The following CAMK4 variants were observed in gnomAD, a reference collection of about 807,000 sequenced individuals.
CAMK4 encodes calcium/calmodulin dependent protein kinase IV.
Under a neutral mutation model 44.9 loss-of-function variants are expected in CAMK4, and 22 were observed. The observed-to-expected ratio is 0.49, with a 90% confidence interval of 0.35 to 0.70. The LOEUF (loss-of-function observed/expected upper bound fraction) is 0.70. Among genes scored for constraint, CAMK4 ranks in the 30% least tolerant of loss-of-function variants. CAMK4 has a pLI of 0.01. For missense variants in CAMK4, 498 were observed against 586.8 expected, an observed-to-expected ratio of 0.85 and a Z score of 1.56; for synonymous variants, 218 against 215.4, an observed-to-expected ratio of 1.01 and a Z score of -0.11.
chr5:111,424,268 T>C (rs1046130969), intron 5 of CAMK4, among the ~76,000 whole-genome samples: 5 of 152,166 alleles, frequency 3.3e-5, no homozygotes, highest in Non-Finnish European at 7.4e-5. Flanking sequence ...ACAGGTGCAT[T>C]GCACCAGGTG....
intron 5 of CAMK4, among the ~76,000 whole-genome samples, chr5:111,421,667 G>A (rs1291498619): frequency 6.6e-6 from 1 of 152,014 alleles, no homozygotes; most frequent in African/African-American, 2.4e-5. Flanking sequence ...TTGTTTGTTT[G>A]TTTCCAGAAG....
At chr5:111,295,607 A>G (rs1747450220) in intron 1 of CAMK4, among the ~76,000 whole-genome samples, 1 of 152,200 alleles carries the variant, frequency 6.6e-6, no homozygotes, top group Non-Finnish European at 1.5e-5. Context: ...AAAAGCTATA[A>G]TGGAATTATG....
chr5:111,294,376 G>T (rs1278171746), intron 1 of CAMK4, among the ~76,000 whole-genome samples: 1 of 152,068 alleles, frequency 6.6e-6, no homozygotes, highest in African/African-American at 2.4e-5. Flanking sequence ...TAATTACTTT[G>T]CACATACACA....
chr5:111,378,647 A>G (rs1751304498), intron 4 of CAMK4, among the ~76,000 whole-genome samples: 1 of 152,130 alleles, frequency 6.6e-6, no homozygotes, highest in Non-Finnish European at 1.5e-5. Context: ...CATTTTGACT[A>G]TTTTCACATT....
rs565708486 is a variant in CAMK4, at chr5:111,488,155, T to A, written c.*3689T>A. 27 of 152,338 alleles carry A rather than the reference T, an allele frequency of 1.8e-4. No individual in the cohort carries two copies. Among genetic ancestry groups the A allele is most frequent in the African/African-American group, 6.3e-4 (26 of 41,568 alleles). 9.4% of individuals were successfully genotyped at this position (152,338 alleles called of 1,614,324 possible). A position where few individuals can be genotyped will look rare whatever the true frequency, so the allele number is the denominator to read the frequency against. ...ATAGAATCTGATTTTGAGGCCTGGATTAAGCTTCATGCCATCCTTGTATCA... is the reference window on the plus strand; with the variant it reads ...ATAGAATCTGATTTTGAGGCCTGGAATAAGCTTCATGCCATCCTTGTATCA... On this transcript the variant is annotated 3_prime_UTR_variant, in exon 11 of 11. Coordinates refer to ENST00000282356, the MANE Select transcript of CAMK4 (RefSeq NM_001744.6).
At chr5:111,479,398 C>T (rs1337131649) in intron 9 of CAMK4, among the ~76,000 whole-genome samples, 1 of 151,974 alleles carries the variant, frequency 6.6e-6, no homozygotes, top group East Asian at 1.9e-4. Context: ...CTGGGGAGGT[C>T]ACTCACCTCT....
At position 111,485,779 on chromosome 5, in the gene CAMK4, T is replaced by G. The variant is rs1248809992; in HGVS notation, c.*1313T>G. On this transcript the variant is annotated 3_prime_UTR_variant, in exon 11 of 11. Transcript: ENST00000282356. Reference sequence around the variant, plus strand: ...TAAAAAGCTGGAACATTAGACCTGATATTTTATTATGATTTTTCCCAGAAT... The same window carrying G: ...TAAAAAGCTGGAACATTAGACCTGAGATTTTATTATGATTTTTCCCAGAAT... 2 of 152,174 alleles carry G rather than the reference T, an allele frequency of 1.3e-5. No homozygotes were observed. Among genetic ancestry groups the G allele is most frequent in the Admixed American group, 6.5e-5 (1 of 15,282 alleles). The allele number at this position is 152,174 out of a possible 1,614,324, so 9.4% of individuals were successfully genotyped here. A position where few individuals can be genotyped will look rare whatever the true frequency, so the allele number is the denominator to read the frequency against.
chr5:111,395,959 A>G (rs1751991639), intron 5 of CAMK4, among the ~76,000 whole-genome samples: 2 of 152,306 alleles, frequency 1.3e-5, no homozygotes, highest in South Asian at 4.1e-4. Context: ...TTATTTAACT[A>G]AAATCATTAT....
At chr5:111,399,750 CTACTGTTTCATTCTT>C (rs1381018477) in intron 5 of CAMK4, among the ~76,000 whole-genome samples, 1 of 152,188 alleles carries the variant, frequency 6.6e-6, no homozygotes, top group East Asian at 1.9e-4. Context: ...TATTTCCTTA[CTACTGTTTCATTCTT>C]TCCTGTCATT....
intron 2 of CAMK4, among the ~76,000 whole-genome samples, chr5:111,345,586 A>T (rs1197160780): frequency 6.6e-6 from 1 of 151,972 alleles, no homozygotes; most frequent in African/African-American, 2.4e-5. Flanking sequence ...AAATTTGTGA[A>T]GGGCTATTTG....
rs528793339 is a variant in CAMK4 at position 111,299,191 on chromosome 5, T to A, written c.162-44833T>A. ...AGGCGACCTTCCAGCACAGCATGAC[T>A]TAGCAGGTTTGTAGTGCAGGCTCAC... is the stretch of plus-strand genomic sequence containing the variant. On this transcript the variant is annotated intron_variant, in intron 1 of 10. Transcript: ENST00000282356. 7.9e-5 allele frequency among the ~76,000 whole-genome samples: 12 copies of A among 152,376 alleles called. No homozygotes were observed. The South Asian group carries it at 2.5e-3, about 32-fold the overall frequency.
chr5:111,322,368 C>T lies in CAMK4; in HGVS notation c.162-21656C>T, dbSNP rs372477918. On this transcript the variant is annotated intron_variant, in intron 1 of 10. Transcript: ENST00000282356. ...TTTATTTGAGACCTCAAAACGATCA[C>T]ACTTAAATAAGAAGGATCACGTCCT... Among the ~76,000 whole-genome samples, 198 of 152,158 alleles carry T rather than the reference C, an allele frequency of 1.3e-3. 1 individual carries two copies. The highest frequency in any genetic ancestry group is 4.2e-3 in the African/African-American group (175 of 41,536).
At chr5:111,397,195 T>A (rs190457788) in intron 5 of CAMK4, among the ~76,000 whole-genome samples, 33 of 152,324 alleles carry the variant, frequency 2.2e-4, no homozygotes, top group South Asian at 4.2e-4. Flanking sequence ...CAGAGCTAGG[T>A]TTGGTTTTTA....
chr5:111,429,290 G>T (rs1580740925), intron 5 of CAMK4, among the ~76,000 whole-genome samples: 1 of 151,986 alleles, frequency 6.6e-6, no homozygotes, highest in Admixed American at 6.6e-5. Flanking sequence ...AAAATCAGAG[G>T]TGTAAAAGGA....
rs114607991 is a variant in CAMK4 at position 111,462,381 on chromosome 5, G to A, written c.626-10930G>A. 4.2e-3 allele frequency among the ~76,000 whole-genome samples: 642 copies of A among 152,222 alleles called. 1 individual carries two copies. The highest frequency in any genetic ancestry group is 7.6e-3 in the Admixed American group (116 of 15,284). Reference sequence around the variant, plus strand: ...GTCTACATCCCCCACCCAGCTGTAAGCTCCTAGATGAAAAAGACTTGTTCT... The same window carrying A: ...GTCTACATCCCCCACCCAGCTGTAAACTCCTAGATGAAAAAGACTTGTTCT... On this transcript the variant is annotated intron_variant, in intron 7 of 10. Transcript: ENST00000282356.
At chr5:111,373,342 GCAT>G (rs1751083375) in intron 2 of CAMK4, among the ~76,000 whole-genome samples, 1 of 152,060 alleles carries the variant, frequency 6.6e-6, no homozygotes, top group African/African-American at 2.4e-5. Context: ...AAAACTAAAG[GCAT>G]TTAGAAATGG....
intron 1 of CAMK4, among the ~76,000 whole-genome samples, chr5:111,331,756 T>G (rs1482648351): frequency 1.3e-5 from 2 of 151,750 alleles, no homozygotes; most frequent in Admixed American, 1.3e-4. Context: ...TTTGACATAA[T>G]CGATTAATCC....
Position 111,261,138 on chromosome 5 carries a change from A to C in CAMK4, c.161+36494A>C, listed in dbSNP as rs148101963. 7.8e-3 allele frequency among the ~76,000 whole-genome samples: 1,185 copies of C among 152,318 alleles called. 10 individuals are homozygous for C. Among genetic ancestry groups the C allele is most frequent in the African/African-American group, 0.027 (1,140 of 41,570 alleles). On this transcript the variant is annotated intron_variant, in intron 1 of 10. Coordinates refer to ENST00000282356, the MANE Select transcript of CAMK4 (RefSeq NM_001744.6). ...TCCTTAAAGACACAATTTGGATGTCATACACAGTGAAGATTTCCCTGATTA... is the reference window on the plus strand; with the variant it reads ...TCCTTAAAGACACAATTTGGATGTCCTACACAGTGAAGATTTCCCTGATTA...
chr5:111,403,208 A>C (rs1361677259), intron 5 of CAMK4, among the ~76,000 whole-genome samples: 1 of 152,164 alleles, frequency 6.6e-6, no homozygotes, highest in Non-Finnish European at 1.5e-5. Flanking sequence ...TTGAAGGGAC[A>C]ATGAAGTTTA....
Sources: gnomAD v4.1 joint callset for allele counts (sites outside exome capture counted in the v4.1 genomes callset) on GRCh38, gnomAD v4.1.1 for gene constraint, MANE v1.5 for transcripts, NCBI Gene and HGNC (gene_info 2026-07-23, HGNC 2026-07-21) for gene names.